Variants in TBCK observed in about 807,000 individuals in gnomAD.
The protein encoded by TBCK is TBC domain-containing protein kinase-like protein.
A neutral mutation model predicts 113.4 loss-of-function variants in TBCK; 99 were observed. The observed-to-expected ratio is 0.87, with a 90% CI of 0.74 to 1.03. The LOEUF (loss-of-function observed/expected upper bound fraction) is 1.03. TBCK is among the 50% of genes least tolerant of loss of function. The probability of loss-of-function intolerance (pLI) is 0.00; values close to 1 mark genes in which losing one functional copy is unlikely to be tolerated. For missense variants in TBCK, 1,045 were observed against 1,061.3 expected (o/e 0.98, Z 0.21); for synonymous variants, 369 against 370.8 (o/e 1.00, Z 0.05).
intron 22 of TBCK, among the ~76,000 whole-genome samples, chr4:106,193,157 G>T (rs1022573089): frequency 1.3e-5 from 2 of 152,180 alleles, no homozygotes; most frequent in Non-Finnish European, 2.9e-5. Context: ...CAAGAGGGCA[G>T]TATTTCCTTT....
intron 25 of TBCK, among the ~76,000 whole-genome samples, chr4:106,088,124 G>A (rs1739729737): frequency 6.6e-6 from 1 of 152,158 alleles, no homozygotes; most frequent in Admixed American, 6.5e-5. Flanking sequence ...AAACTGAAGA[G>A]CTCCTGCACA....
chr4:106,175,470 CCTT>C (rs1188092186), intron 22 of TBCK, among the ~76,000 whole-genome samples: 1 of 151,424 alleles, frequency 6.6e-6, no homozygotes, highest in East Asian at 2.0e-4. Context: ...AGATATTTCT[CCTT>C]CTGGGAACAT....
At chr4:106,072,329 G>A (rs575233989) in intron 25 of TBCK, among the ~76,000 whole-genome samples, 4 of 152,304 alleles carry the variant, frequency 2.6e-5, no homozygotes, top group South Asian at 4.1e-4. Flanking sequence ...TGTCTGTAAA[G>A]GATTTTATTT....
At chr4:106,228,734 A>T (rs1432473205) in intron 19 of TBCK, among the ~76,000 whole-genome samples, 2 of 151,954 alleles carry the variant, frequency 1.3e-5, no homozygotes, top group Non-Finnish European at 2.9e-5. Context: ...TCTGACACTC[A>T]TTTCCTTTCT....
At chr4:106,072,079 C>T (rs1398817083) in intron 25 of TBCK, among the ~76,000 whole-genome samples, 1 of 152,184 alleles carries the variant, frequency 6.6e-6, no homozygotes, top group African/African-American at 2.4e-5. Flanking sequence ...TTAATTAGGG[C>T]ATTTAGCCCA....
At chr4:106,150,104 GC>G (rs1748303111) in intron 23 of TBCK, among the ~76,000 whole-genome samples, 1 of 152,184 alleles carries the variant, frequency 6.6e-6, no homozygotes, top group Admixed American at 6.5e-5. Context: ...AAAGAGAGTT[GC>G]CCTTTGGCAG....
At chr4:106,217,875 G>T (rs1219463093) in intron 19 of TBCK, among the ~76,000 whole-genome samples, 10 of 147,446 alleles carry the variant, frequency 6.8e-5, no homozygotes, top group Non-Finnish European at 1.5e-4. Flanking sequence ...CTACTTTAAA[G>T]TTCATATGGA....
chr4:106,255,118 C>A, intron 5 of TBCK: 1 of 223,152 alleles, frequency 4.5e-6, no homozygotes, highest in South Asian at 4.6e-5. Context: ...ACAATACTAA[C>A]CCTAACAATC....
intron 25 of TBCK, among the ~76,000 whole-genome samples, chr4:106,076,587 T>C (rs1738216343): frequency 6.6e-6 from 1 of 151,880 alleles, no homozygotes; most frequent in Admixed American, 6.6e-5. Context: ...AAGGTAGATG[T>C]GAAAGAAAAA....
In TBCK at chr4:106,179,731, G is replaced by A. The variant is rs188271686; in HGVS notation, c.2060-8461C>T. On this transcript the variant is annotated intron_variant, in intron 22 of 25. Coordinates refer to ENST00000394708, the MANE Select transcript of TBCK (RefSeq NM_001163435.3). Reference sequence around the variant, plus strand: ...GTATTCTGCAGCTGTTGGATGGAACGTTCTGTAAATGTCTGTTAGGTCCAT... The same window carrying A: ...GTATTCTGCAGCTGTTGGATGGAACATTCTGTAAATGTCTGTTAGGTCCAT... 6.2e-4 allele frequency among the ~76,000 whole-genome samples: 95 copies of A among 152,126 alleles called. 3 individuals are homozygous for A. Among genetic ancestry groups the A allele is most frequent in the Admixed American group, 1.7e-3 (26 of 15,240 alleles).
At chr4:106,197,639 T>C (rs1034437663) in intron 20 of TBCK, among the ~76,000 whole-genome samples, 2 of 151,412 alleles carry the variant, frequency 1.3e-5, no homozygotes, top group African/African-American at 4.9e-5. Flanking sequence ...TGGAGGAAAA[T>C]TATGCTCCAA....
At chr4:106,229,188 C>A (rs985282913) in intron 19 of TBCK, among the ~76,000 whole-genome samples, 16 of 151,810 alleles carry the variant, frequency 1.1e-4, no homozygotes, top group African/African-American at 3.9e-4. Flanking sequence ...TTCTCCCATT[C>A]TGTGAGTTGT....
intron 3 of TBCK, among the ~76,000 whole-genome samples, chr4:106,269,303 C>T (rs1763268732): frequency 6.6e-6 from 1 of 152,054 alleles, no homozygotes; most frequent in South Asian, 2.1e-4. Context: ...CACAAAAGAG[C>T]TCAGCTAGTA....
chr4:106,239,726 C>T (rs1759880917), intron 12 of TBCK, among the ~76,000 whole-genome samples: 1 of 151,910 alleles, frequency 6.6e-6, no homozygotes, highest in African/African-American at 2.4e-5. Flanking sequence ...ATTAAGCAGA[C>T]TGAAGTAATG....
At chr4:106,150,418 T>C (rs556551870) in intron 23 of TBCK, among the ~76,000 whole-genome samples, 2 of 152,222 alleles carry the variant, frequency 1.3e-5, no homozygotes, top group East Asian at 3.9e-4. Context: ...GGGACTTTAG[T>C]AAAAACATAA....
chr4:106,181,100 G>C (rs1167266457), intron 22 of TBCK, among the ~76,000 whole-genome samples: 1 of 152,110 alleles, frequency 6.6e-6, no homozygotes, highest in Non-Finnish European at 1.5e-5. Context: ...GTTTTGATTT[G>C]CATTTCTCTA....
At chr4:106,138,648 G>A (rs778081220) in intron 23 of TBCK, among the ~76,000 whole-genome samples, 1 of 141,256 alleles carries the variant, frequency 7.1e-6, no homozygotes, top group Non-Finnish European at 1.6e-5. Flanking sequence ...GGTCAAAGTG[G>A]CAATGTAGGG....
intron 19 of TBCK, among the ~76,000 whole-genome samples, chr4:106,215,201 A>G (rs892915736): frequency 1.2e-4 from 19 of 152,124 alleles, no homozygotes; most frequent in Non-Finnish European, 2.4e-4. Flanking sequence ...GCCCTAAAAG[A>G]GCTCCTGAAG....
chr4:106,092,127 A>G (rs1225823481), intron 25 of TBCK, among the ~76,000 whole-genome samples: 1 of 152,180 alleles, frequency 6.6e-6, no homozygotes, highest in Non-Finnish European at 1.5e-5. Flanking sequence ...TTAGCTAGAC[A>G]TAAAGATTCT....
Sources: allele counts gnomAD v4.1 joint callset (sites outside exome capture counted in the v4.1 genomes callset), GRCh38; gene constraint gnomAD v4.1.1; transcripts MANE v1.5; gene names NCBI Gene and HGNC (gene_info 2026-07-23, HGNC 2026-07-21).